The following DDHD2 variants were observed in gnomAD, a reference collection of about 807,000 sequenced individuals.
The protein encoded by DDHD2 is triacylglycerol hydrolase DDHD2.
In DDHD2, 62 loss-of-function variants were observed where a neutral mutation model predicts 91.2. The observed-to-expected ratio is 0.68, with a 90% CI of 0.55 to 0.84. The LOEUF is 0.84. DDHD2 is among the 40% of genes least tolerant of loss of function. The pLI, the probability that DDHD2 is intolerant of heterozygous loss-of-function variation, is 0.00. For missense variants in DDHD2, 740 were observed against 846.9 expected (o/e 0.87, Z 1.57); for synonymous variants, 271 against 293.9 (o/e 0.92, Z 0.80).
In DDHD2 at chr8:38,261,774, A is replaced by G. The variant is rs894251793; in HGVS notation, c.*1201A>G. Reference sequence around the variant, plus strand: ...ACTAATTTTGTCAAGGCATCTTTTCACTACTTTGCTGTAGATTTTTCTTCT... The same window carrying G: ...ACTAATTTTGTCAAGGCATCTTTTCGCTACTTTGCTGTAGATTTTTCTTCT... On this transcript the variant is annotated 3_prime_UTR_variant, in exon 18 of 18. Coordinates refer to ENST00000397166, the MANE Select transcript of DDHD2 (RefSeq NM_015214.3). 6.6e-6 allele frequency: 1 copy of G among 152,172 alleles called. No individual in the cohort carries two copies. Among genetic ancestry groups the G allele is most frequent in the Admixed American group, 6.5e-5 (1 of 15,270 alleles). The allele number at this position is 152,172 out of a possible 1,614,324, so 9.4% of individuals were successfully genotyped here. A position where few individuals can be genotyped will look rare whatever the true frequency, so the allele number is the denominator to read the frequency against.
At chr8:38,255,404 A>G (rs370604766) in intron 16 of DDHD2, 4 of 456,844 alleles carry the variant, frequency 8.8e-6, no homozygotes, top group Non-Finnish European at 1.7e-5. Context: ...AGTTCTTTTA[A>G]TATTTCTGTG....
At chr8:38,264,165 TGAGATGGG>T, downstream of DDHD2, 1 of 1,014,480 alleles carries the variant, frequency 9.9e-7, no homozygotes, top group Non-Finnish European at 1.2e-6. Context: ...TTTTTTTTTT[TGAGATGGG>T]GTCTCACTCT....
rs1171110943 is a variant in DDHD2 at position 38,233,096 on chromosome 8, C to A, written c.102C>A (p.Gly34=). 2 of 1,614,076 alleles carry A rather than the reference C, an allele frequency of 1.2e-6. No individual in the cohort carries two copies. Among genetic ancestry groups the A allele is most frequent in the Non-Finnish European group, 1.7e-6 (2 of 1,179,948 alleles). The change falls in exon 2 of 18, where the codon GGC becomes GGA. Residue 34 remains glycine (G), a synonymous_variant. Coordinates refer to ENST00000397166, the MANE Select transcript of DDHD2 (RefSeq NM_015214.3). ...SSFELIDMDA[G]SLYEPVSPHW... ...TTGAGCTAATAGACATGGATGCTGG[C>A]AGCTTGTATGAACCAGTTTCTCCCC...
downstream of DDHD2, chr8:38,267,834 CCT>C: frequency 4.7e-6 from 7 of 1,480,760 alleles, no homozygotes; most frequent in Non-Finnish European, 6.6e-6. Flanking sequence ...ACACCATTAA[CCT>C]CTCTGTTCTG....
At chr8:38,232,554 A>G (rs1804362547) in intron 1 of DDHD2, among the ~76,000 whole-genome samples, 1 of 152,246 alleles carries the variant, frequency 6.6e-6, no homozygotes, top group South Asian at 2.1e-4. Flanking sequence ...TAGTTGTGTA[A>G]TGGTAGGGGC....
chr8:38,252,498 T>G (rs1444759043), intron 13 of DDHD2, among the ~76,000 whole-genome samples: 1 of 152,126 alleles, frequency 6.6e-6, no homozygotes, highest in African/African-American at 2.4e-5. Flanking sequence ...TAGTTCTGGT[T>G]GTACATGGTG....
intron 16 of DDHD2, 82 bp downstream of exon 16, chr8:38,253,800 C>G (rs923466526): frequency 7.1e-7 from 1 of 1,402,172 alleles, no homozygotes; most frequent in Non-Finnish European, 9.9e-7. Context: ...GGAGGATAGG[C>G]CAGGTGCATT....
At chr8:38,242,451 G>A in intron 7 of DDHD2, 66 bp downstream of exon 7, 1 of 1,537,802 alleles carries the variant, frequency 6.5e-7, no homozygotes, top group Non-Finnish European at 8.8e-7. Flanking sequence ...TGCTATGCTT[G>A]GGGACGTTTT....
At chr8:38,242,796 A>T (rs956991794) in intron 7 of DDHD2, among the ~76,000 whole-genome samples, 2 of 152,238 alleles carry the variant, frequency 1.3e-5, no homozygotes, top group Non-Finnish European at 2.9e-5. Flanking sequence ...TTTCTCAAAC[A>T]TTAAACTACT....
chr8:38,264,989 C>G, downstream of DDHD2: 1 of 1,430,358 alleles, frequency 7.0e-7, no homozygotes, highest in Non-Finnish European at 9.9e-7. Context: ...TTGCTTCTCG[C>G]CGGGCACGGT....
intron 16 of DDHD2, 73 bp downstream of exon 16, chr8:38,253,791 G>A: frequency 6.7e-7 from 1 of 1,487,800 alleles, no homozygotes; most frequent in Non-Finnish European, 9.3e-7. Flanking sequence ...GTAGAAAAAG[G>A]AGGATAGGCC....
rs1807094267 is a variant in DDHD2 at position 38,262,269 on chromosome 8, T to G, written c.*1696T>G. 6.6e-6 allele frequency: 1 copy of G among 152,224 alleles called. No individual in the cohort carries two copies. Among genetic ancestry groups the G allele is most frequent in the South Asian group, 2.1e-4 (1 of 4,838 alleles). 9.4% of individuals were successfully genotyped at this position (152,224 alleles called of 1,614,324 possible). ...AAGTTGTGGTCTTCAAATTTATGTTTACTCTTCCTATTGGCAGAATAGGTG... is the reference window on the plus strand; with the variant it reads ...AAGTTGTGGTCTTCAAATTTATGTTGACTCTTCCTATTGGCAGAATAGGTG... On this transcript the variant is annotated 3_prime_UTR_variant, in exon 18 of 18. Coordinates refer to ENST00000397166, the MANE Select transcript of DDHD2 (RefSeq NM_015214.3).
At chr8:38,249,675 A>G in intron 10 of DDHD2, 33 bp from the exon 11 acceptor site, 2 of 1,510,282 alleles carry the variant, frequency 1.3e-6, no homozygotes, top group Non-Finnish European at 1.8e-6. Context: ...TATTTTGTCT[A>G]GAAATAAGAA....
chr8:38,248,489 A>G (rs1220840611), intron 10 of DDHD2, among the ~76,000 whole-genome samples: 1 of 152,146 alleles, frequency 6.6e-6, no homozygotes, highest in Non-Finnish European at 1.5e-5. Context: ...CTGGTGAATA[A>G]GACATATGAT....
Position 38,249,763 on chromosome 8 carries a change from A to G in DDHD2, c.1304A>G (p.Lys435Arg), listed in dbSNP as rs776877787. 6 of 1,612,446 alleles carry G rather than the reference A, an allele frequency of 3.7e-6. No homozygotes were observed. The East Asian group carries it at 8.9e-5, about 24-fold the overall frequency. ...QEIGIPLGPRKKILNYFSTRK... is the reference protein window; with the variant it reads ...QEIGIPLGPRRKILNYFSTRK... ...ATAGGAATTCCTTTAGGACCAAGAA[A>G]GAAGATATTAAACTATTTCAGCACC... Residue 435 changes from lysine to arginine, a missense_variant, in exon 11 of 18, where the codon AAG becomes AGG. Physicochemically the swap from Lys to Arg is conservative, Grantham distance 26. Transcript: ENST00000397166.
At chr8:38,268,455 C>A in intron 1 of DDHD2, 1 of 1,570,464 alleles carries the variant, frequency 6.4e-7, no homozygotes. Context: ...GAGAGAAATG[C>A]AATAACCTGA....
chr8:38,259,420 C>T (rs2130885184), intron 16 of DDHD2, among the ~76,000 whole-genome samples: 1 of 151,230 alleles, frequency 6.6e-6, no homozygotes, highest in Non-Finnish European at 1.5e-5. Flanking sequence ...GGAGTCTCGC[C>T]TATCTGCCAG....
Position 38,260,055 on chromosome 8 carries a change from A to G in DDHD2, c.2070A>G (p.Thr690=). Residue 690 remains threonine (T), a synonymous_variant, in exon 17 of 18, where the codon ACA becomes ACG. Transcript: ENST00000397166. The part of the protein sequence containing the change: ...SHLCYWESED[T]VLLVLKEIYQ... ...CTCTTTATAGGGAGTCTGAAGATACAGTATTGCTCGTCCTCAAAGAGATCT... is the reference window on the plus strand; with the variant it reads ...CTCTTTATAGGGAGTCTGAAGATACGGTATTGCTCGTCCTCAAAGAGATCT... 6.2e-7 allele frequency: 1 copy of G among 1,612,354 alleles called. No individual in the cohort carries two copies. The highest frequency in any genetic ancestry group is 8.5e-7 in the Non-Finnish European group (1 of 1,178,444).
Position 38,247,797 on chromosome 8 carries a change from G to A in DDHD2, c.1210G>A (p.Asp404Asn), listed in dbSNP as rs1434976446. 6.3e-7 allele frequency: 1 copy of A among 1,586,064 alleles called. No individual in the cohort carries two copies. The highest frequency in any genetic ancestry group is 1.4e-5 in the African/African-American group (1 of 73,272). Residue 404 changes from aspartate (D) to asparagine (N), a missense_variant, in exon 10 of 18, where the codon GAT (aspartate) becomes AAT (asparagine). By Grantham distance (23) the Asp-to-Asn change is conservative (BLOSUM62 1). Transcript: ENST00000397166. ...LKKLQLSEFF[D>N]IFEKEKVDKE... ...GAAACTTCAGCTCTCTGAATTCTTTGATATCTTTGAGAAGGAGAAAGTAGA... is the reference window on the plus strand; with the variant it reads ...GAAACTTCAGCTCTCTGAATTCTTTAATATCTTTGAGAAGGAGAAAGTAGA...
Sources: gnomAD v4.1 joint callset for allele counts (sites outside exome capture counted in the v4.1 genomes callset) on GRCh38, gnomAD v4.1.1 for gene constraint, MANE v1.5 for transcripts, NCBI Gene and HGNC (gene_info 2026-07-23, HGNC 2026-07-21) for gene names.